Variants in CERKL observed in about 807,000 individuals in gnomAD.
CERKL encodes the protein ceramide kinase-like protein.
Under a neutral mutation model 63.4 loss-of-function variants are expected in CERKL, and 61 were observed. The ratio of observed to expected loss-of-function variants is 0.96; its 90% CI spans 0.78 to 1.19. CERKL has a LOEUF of 1.19. CERKL is among the 50% of genes most tolerant of loss of function. CERKL has a pLI of 0.00. For synonymous variants in CERKL, 250 were observed against 230.5 expected, an observed-to-expected ratio of 1.08 and a Z score of -0.77; for missense variants, 675 against 655.5, an observed-to-expected ratio of 1.03 and a Z score of -0.33.
At chr2:181,565,506 GC>G in intron 4 of CERKL, 1 of 1,605,444 alleles carries the variant, frequency 6.2e-7, no homozygotes, top group Non-Finnish European at 8.5e-7. Flanking sequence ...GGTTTCCGAT[GC>G]CCACTGTGAA....
intron 5 of CERKL, among the ~76,000 whole-genome samples, chr2:181,551,223 T>C (rs60199336): frequency 6.6e-6 from 1 of 152,224 alleles, no homozygotes; most frequent in East Asian, 1.9e-4. Context: ...CATGAATGAA[T>C]TGTCAGAGCT....
chr2:181,584,918 A>C (rs1368107507), intron 2 of CERKL, among the ~76,000 whole-genome samples: 1 of 150,576 alleles, frequency 6.6e-6, no homozygotes, highest in Non-Finnish European at 1.5e-5. Flanking sequence ...TTTGTGACCT[A>C]CTCTTTCCCC....
At chr2:181,562,792 AAT>A (rs1688502986) in intron 4 of CERKL, among the ~76,000 whole-genome samples, 1 of 152,142 alleles carries the variant, frequency 6.6e-6, no homozygotes, top group African/African-American at 2.4e-5. Flanking sequence ...TGAAATGTTC[AAT>A]ATATTGTTGT....
At chr2:181,654,845 T>C (rs1323328701) in intron 1 of CERKL, among the ~76,000 whole-genome samples, 4 of 152,278 alleles carry the variant, frequency 2.6e-5, no homozygotes, top group Non-Finnish European at 5.9e-5. Flanking sequence ...AGTGCAGTGG[T>C]GTGATCTCCG....
At position 181,651,747 on chromosome 2, in the gene CERKL, A is replaced by G. The variant is rs566349643; in HGVS notation, c.238+5022T>C. On this transcript the variant is annotated intron_variant, in intron 1 of 12. Transcript: ENST00000410087. ...GTCAAACTGTCCCTGTTTGCAGAAG[A>G]TATGATCTTATAGATAGAAAACCCA... Among the ~76,000 whole-genome samples the G allele has an allele frequency of 6.7e-5, 10 of 150,294 alleles. 1 individual carries two copies. The highest frequency in any genetic ancestry group is 3.4e-3 in the Middle Eastern group (1 of 294).
chr2:181,539,407 T>TC lies in CERKL; in HGVS notation c.1366-144dup, dbSNP rs1009510198. 8.8e-5 allele frequency: 54 copies of TC among 612,742 alleles called. 2 individuals carry two copies. Among genetic ancestry groups the TC allele is most frequent in the Non-Finnish European group, 1.4e-4 (49 of 352,052 alleles). 38.0% of individuals were successfully genotyped at this position (612,742 alleles called of 1,614,324 possible). A position where few individuals can be genotyped will look rare whatever the true frequency, so the allele number is the denominator to read the frequency against. ...AGCTTTGAGACTATGAACAGGGATC[T>TC]CCAACTTTTTTTGGAAGAAGGAATC... On this transcript the variant is annotated intron_variant, in intron 11 of 12. Transcript: ENST00000410087.
At chr2:181,620,336 C>T (rs1203577185) in intron 1 of CERKL, among the ~76,000 whole-genome samples, 2 of 152,152 alleles carry the variant, frequency 1.3e-5, no homozygotes, top group Non-Finnish European at 2.9e-5. Context: ...CAAGGTAGTA[C>T]CTCTGCAGGT....
intron 1 of CERKL, among the ~76,000 whole-genome samples, chr2:181,629,381 T>C (rs1325026928): frequency 6.6e-6 from 1 of 152,176 alleles, no homozygotes. Flanking sequence ...AGTAGGAAAG[T>C]AAATGCTCAG....
chr2:181,645,936 G>A (rs1003321954), intron 1 of CERKL, among the ~76,000 whole-genome samples: 2 of 152,150 alleles, frequency 1.3e-5, no homozygotes, highest in African/African-American at 4.8e-5. Flanking sequence ...TAGTATACAA[G>A]GAGATAAATG....
At chr2:181,546,915 C>T (rs1283341021) in intron 10 of CERKL, among the ~76,000 whole-genome samples, 3 of 152,148 alleles carry the variant, frequency 2.0e-5, no homozygotes, top group African/African-American at 7.2e-5. Context: ...CATCTTGTAG[C>T]TCTCATAATT....
At chr2:181,579,372 C>T (rs1684401624) in intron 2 of CERKL, among the ~76,000 whole-genome samples, 2 of 151,888 alleles carry the variant, frequency 1.3e-5, no homozygotes, top group African/African-American at 2.4e-5. Context: ...ATTTCAATTT[C>T]CATTTCTCTT....
intron 5 of CERKL, among the ~76,000 whole-genome samples, chr2:181,557,450 T>A (rs1390938105): frequency 1.3e-5 from 2 of 152,204 alleles, no homozygotes; most frequent in Non-Finnish European, 2.9e-5. Flanking sequence ...GTTTCAGCTT[T>A]CTGCATATGG....
chr2:181,606,020 G>GC (rs1685661567), intron 1 of CERKL, among the ~76,000 whole-genome samples: 1 of 150,044 alleles, frequency 6.7e-6, no homozygotes, highest in Non-Finnish European at 1.5e-5. Context: ...AAGAAAGCAT[G>GC]GAAGGAATGA....
intron 2 of CERKL, among the ~76,000 whole-genome samples, chr2:181,574,828 G>A (rs1481687518): frequency 2.0e-5 from 3 of 152,166 alleles, no homozygotes; most frequent in Admixed American, 6.6e-5. Context: ...CATACATCAA[G>A]TAGAGAGAAT....
At chr2:181,594,181 T>C (rs984041903) in intron 2 of CERKL, among the ~76,000 whole-genome samples, 3 of 152,166 alleles carry the variant, frequency 2.0e-5, no homozygotes, top group Non-Finnish European at 4.4e-5. Context: ...AAATAAAATT[T>C]ATTGAACACT....
chr2:181,561,516 G>T (rs550156058), intron 4 of CERKL, among the ~76,000 whole-genome samples: 3 of 151,948 alleles, frequency 2.0e-5, no homozygotes, highest in Admixed American at 1.3e-4. Flanking sequence ...CAAATAGCAG[G>T]CCCTAGAGGA....
Position 181,547,854 on chromosome 2 carries a change from G to T in CERKL, c.1134-7C>A, listed in dbSNP as rs1360098158. On this transcript the variant is annotated splice_polypyrimidine_tract_variant and splice_region_variant and intron_variant, in intron 8 of 12. Transcript: ENST00000410087. Reference sequence around the variant, plus strand: ...GGGAGATCCCTGTGCCCTCCTAAAAGAAAGAAAACAAAACAAAGACATAAA... The same window carrying T: ...GGGAGATCCCTGTGCCCTCCTAAAATAAAGAAAACAAAACAAAGACATAAA... 4.3e-6 allele frequency: 7 copies of T among 1,613,408 alleles called. No individual in the cohort carries two copies. The highest frequency in any genetic ancestry group is 5.9e-6 in the Non-Finnish European group (7 of 1,179,912).
At chr2:181,580,926 G>C (rs983954983) in intron 2 of CERKL, among the ~76,000 whole-genome samples, 3 of 152,070 alleles carry the variant, frequency 2.0e-5, no homozygotes, top group Non-Finnish European at 4.4e-5. Context: ...CGTTTCTTTG[G>C]TGTTAATTGA....
At chr2:181,626,719 G>A (rs766936852) in intron 1 of CERKL, among the ~76,000 whole-genome samples, 2 of 152,188 alleles carry the variant, frequency 1.3e-5, no homozygotes, top group Admixed American at 6.5e-5. Flanking sequence ...AGTGGGTACT[G>A]GGGAAAAAGG....
Sources: allele counts gnomAD v4.1 joint callset (sites outside exome capture counted in the v4.1 genomes callset), GRCh38; gene constraint gnomAD v4.1.1; transcripts MANE v1.5; gene names NCBI Gene and HGNC (gene_info 2026-07-23, HGNC 2026-07-21).